INSC: variants seen among roughly 807,000 people sequenced by gnomAD.
The protein encoded by INSC is protein inscuteable homolog.
INSC carries 67 observed loss-of-function variants against 58.6 expected under a neutral mutation model. The observed-to-expected ratio is 1.14, with a 90% confidence interval of 0.94 to 1.40. The LOEUF (loss-of-function observed/expected upper bound fraction) is 1.40. INSC is among the 40% of genes most tolerant of loss of function. The probability of loss-of-function intolerance (pLI) is 0.00; values close to 1 mark genes in which losing one functional copy is unlikely to be tolerated. For synonymous variants in INSC, 262 were observed against 276.1 expected, an observed-to-expected ratio of 0.95 and a Z score of 0.51; for missense variants, 714 against 692.0, an observed-to-expected ratio of 1.03 and a Z score of -0.36.
At chr11:15,249,479 G>T (rs933995178), downstream of INSC, among the ~76,000 whole-genome samples, 4 of 152,176 alleles carry the variant, frequency 2.6e-5, no homozygotes, top group African/African-American at 9.6e-5. Context: ...AGCACCTGGT[G>T]AAAGGGAAGT....
the INSC span, among the ~76,000 whole-genome samples, chr11:15,260,587 C>G: frequency 6.6e-6 from 1 of 152,166 alleles, no homozygotes; most frequent in Non-Finnish European, 1.5e-5. Context: ...GTGTCTAACA[C>G]AGAGCCTAGT....
chr11:15,188,376 TTCAAAAA>T, intron 5 of INSC: 1 of 985,246 alleles, frequency 1.0e-6, no homozygotes, highest in Admixed American at 6.1e-5. Context: ...TTTCCTGACC[TTCAAAAA>T]TGGGATGTCA....
intron 8 of INSC, 31 bp downstream of exon 8, chr11:15,221,679 G>A: frequency 6.3e-7 from 1 of 1,580,128 alleles, no homozygotes; most frequent in Non-Finnish European, 8.6e-7. Flanking sequence ...GGACCACTAG[G>A]AGAGAGGGCC....
At chr11:15,205,545 G>T (rs1388295513) in intron 7 of INSC, among the ~76,000 whole-genome samples, 2 of 152,208 alleles carry the variant, frequency 1.3e-5, no homozygotes, top group Non-Finnish European at 2.9e-5. Context: ...CAGGTATAAT[G>T]CTAATCACTT....
At chr11:15,137,921 C>T (rs1307680516) in intron 1 of INSC, among the ~76,000 whole-genome samples, 2 of 152,190 alleles carry the variant, frequency 1.3e-5, no homozygotes, top group African/African-American at 4.8e-5. Flanking sequence ...TTTTGACATG[C>T]TGTCCTCACT....
intron 9 of INSC, among the ~76,000 whole-genome samples, chr11:15,229,052 G>C (rs1432824881): frequency 6.6e-6 from 1 of 152,110 alleles, no homozygotes; most frequent in Non-Finnish European, 1.5e-5. Flanking sequence ...ATCTGACAGG[G>C]GGAGGTAGGA....
chr11:15,153,155 A>G (rs566987668), intron 2 of INSC, among the ~76,000 whole-genome samples: 1 of 152,350 alleles, frequency 6.6e-6, no homozygotes, highest in South Asian at 2.1e-4. Context: ...TCCTGCCCTC[A>G]TGGAACTCAG....
At chr11:15,176,304 C>G (rs1434196374) in intron 3 of INSC, among the ~76,000 whole-genome samples, 1 of 151,690 alleles carries the variant, frequency 6.6e-6, no homozygotes, top group Non-Finnish European at 1.5e-5. Flanking sequence ...TCTCATTTAA[C>G]CTGCACAACC....
At chr11:15,248,665 C>T (rs572180324), downstream of INSC, among the ~76,000 whole-genome samples, 8 of 152,068 alleles carry the variant, frequency 5.3e-5, no homozygotes, top group South Asian at 1.2e-3. Flanking sequence ...GCTAGTTGGT[C>T]GCTAATATCA....
intron 1 of INSC, among the ~76,000 whole-genome samples, chr11:15,146,752 G>A (rs902360071): frequency 1.3e-5 from 2 of 152,166 alleles, no homozygotes; most frequent in Admixed American, 6.5e-5. Flanking sequence ...TCCAGAATAG[G>A]CTATTGAATG....
At chr11:15,197,648 C>T (rs1197404027) in intron 6 of INSC, among the ~76,000 whole-genome samples, 1 of 152,214 alleles carries the variant, frequency 6.6e-6, no homozygotes, top group Non-Finnish European at 1.5e-5. Flanking sequence ...GGCTTGTCCT[C>T]TCAGCTTCTT....
chr11:15,251,693 A>G (rs1464497883), downstream of INSC, among the ~76,000 whole-genome samples: 1 of 152,180 alleles, frequency 6.6e-6, no homozygotes, highest in East Asian at 1.9e-4. Flanking sequence ...CAAAATTGCA[A>G]TGAGGTACCA....
intron 2 of INSC, among the ~76,000 whole-genome samples, chr11:15,157,550 C>T (rs1412362461): frequency 6.6e-6 from 1 of 152,158 alleles, no homozygotes; most frequent in Non-Finnish European, 1.5e-5. Flanking sequence ...GCCAGAACTG[C>T]TCTGTGTAAT....
chr11:15,187,836 T>C (rs1850028017), intron 5 of INSC, among the ~76,000 whole-genome samples: 1 of 152,196 alleles, frequency 6.6e-6, no homozygotes, highest in Admixed American at 6.5e-5. Flanking sequence ...GTGAGGCATA[T>C]TTTTGAAACG....
At chr11:15,235,574 T>C (rs1440006631) in intron 9 of INSC, 28 bp from the exon 10 acceptor site, 2 of 1,591,698 alleles carry the variant, frequency 1.3e-6, no homozygotes, top group African/African-American at 2.7e-5. Flanking sequence ...GTGCTCATTT[T>C]CTGAGGTTTC....
chr11:15,141,965 C>A (rs2133728487), intron 1 of INSC, among the ~76,000 whole-genome samples: 1 of 152,246 alleles, frequency 6.6e-6, no homozygotes, highest in Non-Finnish European at 1.5e-5. Flanking sequence ...ATTTCACTCC[C>A]CTGCTCAAAC....
the INSC span, among the ~76,000 whole-genome samples, chr11:15,257,660 C>T: frequency 2.0e-4 from 30 of 152,124 alleles, no homozygotes; most frequent in South Asian, 1.2e-3. Context: ...GCCCTTAATG[C>T]AGTATGACTA....
At chr11:15,218,562 C>A (rs1945632) in intron 7 of INSC, among the ~76,000 whole-genome samples, 52,989 of 150,386 alleles carry the variant, frequency 0.35, 10,160 homozygotes, top group Non-Finnish European at 0.44. Flanking sequence ...CTCTCTCTCT[C>A]TATATATATA....
chr11:15,171,711 A>G (rs1849405352), intron 2 of INSC, among the ~76,000 whole-genome samples: 2 of 152,172 alleles, frequency 1.3e-5, no homozygotes, highest in African/African-American at 4.8e-5. Context: ...GTCTTAGAAA[A>G]TGTTCTTTTG....
Sources: gnomAD v4.1 joint callset for allele counts (sites outside exome capture counted in the v4.1 genomes callset) on GRCh38, gnomAD v4.1.1 for gene constraint, MANE v1.5 for transcripts, NCBI Gene and HGNC (gene_info 2026-07-23, HGNC 2026-07-21) for gene names.